Variants in CREBRF observed in about 807,000 individuals in gnomAD.
CREBRF encodes the protein UPF0474 protein C5orf41.
CREBRF carries 5 observed loss-of-function variants against 66.1 expected under a neutral mutation model. The observed-to-expected ratio is 0.08, with a 90% CI of 0.04 to 0.16. The LOEUF is 0.16. Ranked by LOEUF, CREBRF falls within the 10% of genes least tolerant of loss-of-function variation. The probability of loss-of-function intolerance (pLI) is 1.00; values close to 1 mark genes in which losing one functional copy is unlikely to be tolerated. For missense variants in CREBRF, 531 were observed against 744.9 expected, an observed-to-expected ratio of 0.71 and a Z score of 3.34; for synonymous variants, 229 against 264.4, an observed-to-expected ratio of 0.87 and a Z score of 1.30.
At chr5:173,132,085 C>CT (rs34701764) in intron 8 of CREBRF, among the ~76,000 whole-genome samples, 1,607 of 124,520 alleles carry the variant, frequency 0.013, 22 homozygotes, top group South Asian at 0.073. Flanking sequence ...AAATATATTT[C>CT]TTTTTTTTTT....
Position 173,137,649 on chromosome 5 carries a change from C to G in CREBRF, c.*3904C>G, listed in dbSNP as rs1312169376. 1 of 151,782 alleles carries G rather than the reference C, an allele frequency of 6.6e-6. No homozygotes were observed. Among genetic ancestry groups the G allele is most frequent in the Non-Finnish European group, 1.5e-5 (1 of 67,912 alleles). 9.4% of individuals were successfully genotyped at this position (151,782 alleles called of 1,614,324 possible). A position where few individuals can be genotyped will look rare whatever the true frequency, so the allele number is the denominator to read the frequency against. Reference sequence around the variant, plus strand: ...CTTTAAAAGAAACAGAAGTACAGTACTTTTGAAATACAATGCTGTTAGTTT... The same window carrying G: ...CTTTAAAAGAAACAGAAGTACAGTAGTTTTGAAATACAATGCTGTTAGTTT... On this transcript the variant is annotated 3_prime_UTR_variant, in exon 9 of 9. Transcript: ENST00000296953.
intron 2 of CREBRF, chr5:173,085,468 G>C: frequency 1.6e-6 from 1 of 627,390 alleles, no homozygotes; most frequent in Non-Finnish European, 2.8e-6. Flanking sequence ...CCAGGCTGGA[G>C]TGCAATGGCG....
intron 2 of CREBRF, among the ~76,000 whole-genome samples, chr5:173,084,564 C>T (rs1295816921): frequency 2.6e-5 from 4 of 152,190 alleles, no homozygotes; most frequent in African/African-American, 9.7e-5. Flanking sequence ...TACCTGTGGG[C>T]CTTGTCCCAC....
At chr5:173,121,432 C>T (rs1455198302) in intron 7 of CREBRF, among the ~76,000 whole-genome samples, 1 of 151,834 alleles carries the variant, frequency 6.6e-6, no homozygotes, top group African/African-American at 2.4e-5. Flanking sequence ...ATGCTATTCT[C>T]CTGCCTCAGC....
At chr5:173,116,845 A>G (rs1269547114) in intron 7 of CREBRF, among the ~76,000 whole-genome samples, 1 of 152,222 alleles carries the variant, frequency 6.6e-6, no homozygotes, top group African/African-American at 2.4e-5. Context: ...ATTCTTAAAA[A>G]CAGTGTAGGA....
At position 173,090,620 on chromosome 5, in the gene CREBRF, A is replaced by G; in HGVS notation, c.441A>G (p.Ser147=). 1 of 1,614,166 alleles carries G rather than the reference A, an allele frequency of 6.2e-7. No individual in the cohort carries two copies. Among genetic ancestry groups the G allele is most frequent in the Non-Finnish European group, 8.5e-7 (1 of 1,179,990 alleles). The change falls in exon 4 of 9, where the codon TCA becomes TCG. Residue 147 remains serine (S), a synonymous_variant. Coordinates refer to ENST00000296953, the MANE Select transcript of CREBRF (RefSeq NM_153607.3). The surrounding 1 kb of genome is among the most constrained non-coding windows in gnomAD (Gnocchi z 4.5). ...PTLAQLNSED[S]QSVSDSLYYP... is the part of the protein sequence containing the mutation. ...TAGCTCAACTTAATAGTGAGGACTC[A>G]CAGTCTGTTTCTGATTCCCTTTATT...
In CREBRF at chr5:173,090,415, A is replaced by G; in HGVS notation, c.236A>G (p.Asp79Gly). ...ENLESFTDVL[D>G]NEGALTSNWE... ...CTGGAGTCTTTCACAGATGTCCTGG[A>G]TAATGAGGGTGCTTTAACCTCAAAC... The change falls in exon 4 of 9, where the codon GAT becomes GGT. Residue 79 changes from aspartate to glycine, a missense_variant. Asp to Gly is a moderately conservative substitution (Grantham distance 94). Around this residue, in one of 5 missense-constraint regions of CREBRF, gnomAD observed 133 missense variants for 215.6 expected, o/e 0.62. Transcript: ENST00000296953. The surrounding 1 kb of genome is among the most constrained non-coding windows in gnomAD (Gnocchi z 4.5). 2.5e-6 allele frequency: 4 copies of G among 1,614,078 alleles called. No homozygotes were observed. Among genetic ancestry groups the G allele is most frequent in the Non-Finnish European group, 3.4e-6 (4 of 1,179,938 alleles).
chr5:173,133,238 C>T (rs1027144725), intron 8 of CREBRF, among the ~76,000 whole-genome samples: 1 of 152,106 alleles, frequency 6.6e-6, no homozygotes, highest in African/African-American at 2.4e-5. Context: ...GAAACCTACC[C>T]ATGGAACTTG....
chr5:173,134,238 T>C lies in CREBRF; in HGVS notation c.*493T>C, dbSNP rs1759536476. On this transcript the variant is annotated 3_prime_UTR_variant, in exon 9 of 9. Coordinates refer to ENST00000296953, the MANE Select transcript of CREBRF (RefSeq NM_153607.3). ...GCCTGTGGGCCATATTAGATGTTCA[T>C]TGTCAGAGCTCAAGATGATATATAT... 6.7e-6 allele frequency: 1 copy of C among 150,052 alleles called. No homozygotes were observed. Among genetic ancestry groups the C allele is most frequent in the African/African-American group, 2.5e-5 (1 of 40,708 alleles). The allele number at this position is 150,052 out of a possible 1,614,324, so 9.3% of individuals were successfully genotyped here. A position where few individuals can be genotyped will look rare whatever the true frequency, so the allele number is the denominator to read the frequency against.
Position 173,133,796 on chromosome 5 carries a change from C to A in CREBRF, c.*51C>A, listed in dbSNP as rs765059346. The A allele has an allele frequency of 7.4e-6, 7 of 945,198 alleles. No homozygotes were observed. In the Admixed American group the frequency reaches 1.1e-4, roughly 15 times the overall value. The allele number at this position is 945,198 out of a possible 1,614,324, so 58.6% of individuals were successfully genotyped here. Reference sequence around the variant, plus strand: ...AAATGTCTGCGTTTTGTCACGTTATCCATTGTAAATTTTCATTCTGTTTTG... The same window carrying A: ...AAATGTCTGCGTTTTGTCACGTTATACATTGTAAATTTTCATTCTGTTTTG... On this transcript the variant is annotated 3_prime_UTR_variant, in exon 9 of 9. Transcript: ENST00000296953.
rs183994727 is a variant in CREBRF, at chr5:173,131,499, A to G, written c.1805-2131A>G. Reference sequence around the variant, plus strand: ...AGTCTCCCCATCTTATTTTATTTTTATGAAAAATCCAGGTCTTGTAAAATG... The same window carrying G: ...AGTCTCCCCATCTTATTTTATTTTTGTGAAAAATCCAGGTCTTGTAAAATG... On this transcript the variant is annotated intron_variant, in intron 8 of 8. Transcript: ENST00000296953. 2.5e-3 allele frequency among the ~76,000 whole-genome samples: 377 copies of G among 152,132 alleles called. 3 individuals are homozygous for G. The highest frequency in any genetic ancestry group is 8.5e-3 in the African/African-American group (351 of 41,518).
At chr5:173,073,067 G>A (rs1561794291) in intron 1 of CREBRF, among the ~76,000 whole-genome samples, 3 of 152,216 alleles carry the variant, frequency 2.0e-5, no homozygotes, top group Admixed American at 2.0e-4. Context: ...GTGATGGAAT[G>A]TGAACATGGA....
chr5:173,086,287 CT>C, intron 2 of CREBRF: 1 of 651,542 alleles, frequency 1.5e-6, no homozygotes, highest in Non-Finnish European at 2.7e-6. Flanking sequence ...ATTGGCAGCA[CT>C]CTATTTTTTC....
intron 4 of CREBRF, chr5:173,092,412 T>C (rs1055882118): frequency 1.0e-6 from 1 of 985,348 alleles, no homozygotes; most frequent in African/African-American, 1.7e-5. Context: ...CTGGTTCACT[T>C]TAGCATTTAC....
intron 4 of CREBRF, among the ~76,000 whole-genome samples, 188 bp from the exon 5 acceptor site, chr5:173,108,436 G>A (rs1758797610): frequency 6.6e-6 from 1 of 152,154 alleles, no homozygotes; most frequent in Non-Finnish European, 1.5e-5. Flanking sequence ...ATCTCGGAAT[G>A]TTTTATGAGT....
chr5:173,118,511 T>G (rs996789910), intron 7 of CREBRF, among the ~76,000 whole-genome samples: 16 of 152,280 alleles, frequency 1.1e-4, no homozygotes, highest in Middle Eastern at 3.4e-3. Context: ...CTTTTTTAGG[T>G]CAATTTTTGC....
At chr5:173,069,099 T>A (rs903747419) in intron 1 of CREBRF, among the ~76,000 whole-genome samples, 1 of 151,852 alleles carries the variant, frequency 6.6e-6, no homozygotes, top group African/African-American at 2.4e-5. Context: ...AAAAGGATTC[T>A]GAGTTGAGTT....
rs769948019 is a variant in CREBRF at position 173,105,219 on chromosome 5, G to GTA, written c.1223-3399_1223-3398dup. 5.6e-4 allele frequency among the ~76,000 whole-genome samples: 78 copies of GTA among 139,712 alleles called. 1 individual carries two copies. The highest frequency in any genetic ancestry group is 1.5e-3 in the South Asian group (6 of 3,988). 91.7% of individuals were successfully genotyped at this position (139,712 alleles called of 152,430 possible). On this transcript the variant is annotated intron_variant, in intron 4 of 8. Coordinates refer to ENST00000296953, the MANE Select transcript of CREBRF (RefSeq NM_153607.3). ...AAGTATCCAGGAGGATGGTATGTGT[G>GTA]TATATATGTGTGTGTGTGTGTGTGT...
At chr5:173,126,402 A>C (rs906558657) in intron 8 of CREBRF, among the ~76,000 whole-genome samples, 3 of 152,120 alleles carry the variant, frequency 2.0e-5, no homozygotes, top group Non-Finnish European at 4.4e-5. Flanking sequence ...TGGCCTCCCA[A>C]AGTATTGGGA....
Sources: allele counts gnomAD v4.1 joint callset (sites outside exome capture counted in the v4.1 genomes callset), GRCh38; gene constraint gnomAD v4.1.1; regional missense constraint gnomAD v4.1.1; non-coding constraint Gnocchi (gnomAD v3.1); transcripts MANE v1.5; gene names NCBI Gene and HGNC (gene_info 2026-07-23, HGNC 2026-07-21).